PEBP4: variants seen among roughly 807,000 people sequenced by gnomAD.
PEBP4 encodes the protein phosphatidylethanolamine-binding protein 4.
In PEBP4, 22 loss-of-function variants were observed where a neutral mutation model predicts 23.9. The observed-to-expected ratio is 0.92, with a 90% confidence interval of 0.66 to 1.31. The LOEUF is 1.31. PEBP4 is among the 40% of genes most tolerant of loss of function. PEBP4 has a pLI of 0.00. For synonymous variants in PEBP4, 112 were observed against 99.3 expected (o/e 1.13, Z -0.76); for missense variants, 324 against 281.7 (o/e 1.15, Z -1.07).
chr8:22,907,722 TG>T (rs1385544031), intron 3 of PEBP4, among the ~76,000 whole-genome samples: 2 of 152,134 alleles, frequency 1.3e-5, no homozygotes, highest in African/African-American at 2.4e-5. Flanking sequence ...GAGGCTGAGC[TG>T]GTCTGACCTG....
chr8:22,713,671 TG>T, intron 6 of PEBP4, 135 bp from the exon 7 acceptor site: 2 of 1,253,626 alleles, frequency 1.6e-6, no homozygotes, highest in Non-Finnish European at 2.2e-6. Flanking sequence ...GCGTAGTGGC[TG>T]GGGGAGCTTC....
intron 3 of PEBP4, among the ~76,000 whole-genome samples, chr8:22,878,895 G>A (rs1474347759): frequency 6.6e-6 from 1 of 152,232 alleles, no homozygotes; most frequent in African/African-American, 2.4e-5. Context: ...CCAGAATGAT[G>A]TTGGGCTGGT....
At chr8:22,801,259 T>G (rs925211121) in intron 4 of PEBP4, among the ~76,000 whole-genome samples, 30 of 152,162 alleles carry the variant, frequency 2.0e-4, no homozygotes, top group African/African-American at 7.0e-4. Context: ...ATGATCTCAC[T>G]TGAGCCTCAC....
intron 4 of PEBP4, among the ~76,000 whole-genome samples, chr8:22,761,955 G>T (rs909963026): frequency 1.3e-5 from 2 of 151,956 alleles, no homozygotes; most frequent in African/African-American, 4.8e-5. Flanking sequence ...TTATGCCTAA[G>T]GCATAACTCT....
At chr8:22,788,796 T>G (rs558603902) in intron 4 of PEBP4, among the ~76,000 whole-genome samples, 9 of 152,338 alleles carry the variant, frequency 5.9e-5, no homozygotes, top group African/African-American at 1.9e-4. Flanking sequence ...GAGAATTTAT[T>G]CTCAGAAAGT....
chr8:22,888,905 C>T lies in PEBP4; in HGVS notation c.258+31279G>A, dbSNP rs1808439265. Among the ~76,000 whole-genome samples the T allele has an allele frequency of 2.6e-5, 4 of 152,248 alleles. No individual in the cohort carries two copies. In the South Asian group the frequency reaches 8.3e-4, roughly 32 times the overall value. On this transcript the variant is annotated intron_variant, in intron 3 of 6. Coordinates refer to ENST00000256404, the MANE Select transcript of PEBP4 (RefSeq NM_144962.3). The stretch of plus-strand genomic sequence containing the variant: ...CCCATCTCTCCGCTTTCCTGGCTAA[C>T]CCAGGGCTAATCCTGGCCACAGGCT...
chr8:22,940,492 T>C (rs948927167), intron 1 of PEBP4, among the ~76,000 whole-genome samples: 2 of 134,638 alleles, frequency 1.5e-5, no homozygotes, highest in South Asian at 2.5e-4. Context: ...GAATTTCTCT[T>C]TTTTTTTTTT....
intron 3 of PEBP4, among the ~76,000 whole-genome samples, chr8:22,877,448 G>C (rs554696792): frequency 6.6e-6 from 1 of 152,148 alleles, no homozygotes; most frequent in African/African-American, 2.4e-5. Context: ...AGCCCAGCAC[G>C]ACCCAAGTAC....
At chr8:22,805,088 T>C (rs1806468303) in intron 4 of PEBP4, among the ~76,000 whole-genome samples, 1 of 152,176 alleles carries the variant, frequency 6.6e-6, no homozygotes, top group Admixed American at 6.5e-5. Context: ...ATTTTTCTCC[T>C]CTGCTCCCCT....
intron 3 of PEBP4, among the ~76,000 whole-genome samples, chr8:22,861,885 G>A (rs866466293): frequency 3.3e-5 from 5 of 152,192 alleles, no homozygotes; most frequent in South Asian, 4.1e-4. Context: ...TTGCGCTTTA[G>A]CGATAAGATC....
chr8:22,927,359 G>A (rs1809363405), intron 2 of PEBP4, among the ~76,000 whole-genome samples: 1 of 152,084 alleles, frequency 6.6e-6, no homozygotes, highest in African/African-American at 2.4e-5. Context: ...CAGCCCTCCT[G>A]GTCCTGGGAG....
chr8:22,933,923 C>T (rs1809499017), intron 1 of PEBP4, among the ~76,000 whole-genome samples: 1 of 152,158 alleles, frequency 6.6e-6, no homozygotes, highest in African/African-American at 2.4e-5. Context: ...GAAGACTGGG[C>T]ATCTGGTAAA....
At chr8:22,907,839 A>T (rs998959506) in intron 3 of PEBP4, among the ~76,000 whole-genome samples, 3 of 152,124 alleles carry the variant, frequency 2.0e-5, no homozygotes, top group Non-Finnish European at 4.4e-5. Context: ...GCAATGACCC[A>T]GGTTGGGAGG....
At chr8:22,758,920 G>A (rs749848677) in intron 4 of PEBP4, among the ~76,000 whole-genome samples, 7 of 152,126 alleles carry the variant, frequency 4.6e-5, no homozygotes, top group Non-Finnish European at 7.3e-5. Flanking sequence ...TGAAGTCCGG[G>A]GCTTATGTCA....
At chr8:22,723,541 A>G (rs1804561100) in intron 6 of PEBP4, among the ~76,000 whole-genome samples, 1 of 152,024 alleles carries the variant, frequency 6.6e-6, no homozygotes, top group Non-Finnish European at 1.5e-5. Flanking sequence ...TGAGAACCCC[A>G]TGGGTGGGAG....
At chr8:22,862,902 G>GGT (rs1563241362) in intron 3 of PEBP4, among the ~76,000 whole-genome samples, 2 of 150,358 alleles carry the variant, frequency 1.3e-5, no homozygotes, top group Admixed American at 1.3e-4. Context: ...CCAGGTTCAC[G>GGT]TCATTCTCCT....
At chr8:22,766,569 C>T (rs934989283) in intron 4 of PEBP4, among the ~76,000 whole-genome samples, 1 of 152,208 alleles carries the variant, frequency 6.6e-6, no homozygotes, top group African/African-American at 2.4e-5. Flanking sequence ...CACATCTCTG[C>T]GATGATGCGA....
intron 4 of PEBP4, among the ~76,000 whole-genome samples, chr8:22,815,380 C>G (rs1369858496): frequency 6.6e-6 from 1 of 152,214 alleles, no homozygotes; most frequent in East Asian, 1.9e-4. Flanking sequence ...ACAAGCTCGT[C>G]TGCCAATTCG....
At chr8:22,800,208 C>T (rs993426193) in intron 4 of PEBP4, among the ~76,000 whole-genome samples, 7 of 151,948 alleles carry the variant, frequency 4.6e-5, no homozygotes, top group Non-Finnish European at 8.8e-5. Flanking sequence ...TGCTGTGTCT[C>T]GGTATACCTG....
Sources: allele counts gnomAD v4.1 joint callset (sites outside exome capture counted in the v4.1 genomes callset), GRCh38; gene constraint gnomAD v4.1.1; transcripts MANE v1.5; gene names NCBI Gene and HGNC (gene_info 2026-07-23, HGNC 2026-07-21).